GPATCH2: variants seen among roughly 807,000 people sequenced by gnomAD.
GPATCH2 encodes the protein G patch domain-containing protein 2.
A neutral mutation model predicts 58.0 loss-of-function variants in GPATCH2; 51 were observed. The observed-to-expected ratio is 0.88, with a 90% confidence interval of 0.70 to 1.11. GPATCH2 has a LOEUF of 1.11. Ranked by LOEUF, GPATCH2 falls within the 50% of genes most tolerant of loss-of-function variation. The pLI is 0.00. For missense variants in GPATCH2, 625 were observed against 652.2 expected (o/e 0.96, Z 0.45); for synonymous variants, 222 against 218.5 (o/e 1.02, Z -0.14).
chr1:217,487,466 C>T (rs1661508839), intron 8 of GPATCH2, among the ~76,000 whole-genome samples: 2 of 148,658 alleles, frequency 1.3e-5, no homozygotes, highest in South Asian at 4.3e-4. Context: ...ACTCTTGTTG[C>T]CCAGGCTGGA....
At chr1:217,455,358 CT>C (rs1381709377) in intron 8 of GPATCH2, among the ~76,000 whole-genome samples, 3 of 152,174 alleles carry the variant, frequency 2.0e-5, no homozygotes, top group African/African-American at 7.2e-5. Flanking sequence ...TCAGCTGCCC[CT>C]GGCTCCTATC....
chr1:217,446,447 T>C (rs1314955316), intron 9 of GPATCH2, among the ~76,000 whole-genome samples: 3 of 152,132 alleles, frequency 2.0e-5, no homozygotes, highest in African/African-American at 7.2e-5. Flanking sequence ...CAAAACCATT[T>C]CTTACTTGAA....
chr1:217,494,182 G>C (rs750051191), intron 7 of GPATCH2, among the ~76,000 whole-genome samples: 2 of 152,010 alleles, frequency 1.3e-5, no homozygotes, highest in Non-Finnish European at 2.9e-5. Context: ...GTTTTGATGG[G>C]CTTTGTACAT....
chr1:217,498,164 AAAACTC>A, intron 7 of GPATCH2, 186 bp downstream of exon 7: 1 of 678,842 alleles, frequency 1.5e-6, no homozygotes, highest in Non-Finnish European at 2.7e-6. Context: ...TAAAGGAAAG[AAAACTC>A]TCATGCTGAT....
At chr1:217,542,519 G>T (rs138535559) in intron 5 of GPATCH2, among the ~76,000 whole-genome samples, 1,741 of 152,280 alleles carry the variant, frequency 0.011, 18 homozygotes, top group Non-Finnish European at 0.018. Flanking sequence ...AGTTTCAAGC[G>T]CTGGGAGCCC....
chr1:217,609,495 G>A (rs1668526748), intron 5 of GPATCH2: 1 of 983,402 alleles, frequency 1.0e-6, no homozygotes, highest in Admixed American at 6.2e-5. Flanking sequence ...TTAAAACGAG[G>A]ATGATTTTTG....
At chr1:217,532,313 C>T (rs1220895897) in intron 5 of GPATCH2, among the ~76,000 whole-genome samples, 1 of 152,146 alleles carries the variant, frequency 6.6e-6, no homozygotes, top group African/African-American at 2.4e-5. Context: ...CTGCAAGATT[C>T]TAATTATTAT....
intron 8 of GPATCH2, among the ~76,000 whole-genome samples, chr1:217,472,296 CTTT>C (rs11326840): frequency 8.9e-5 from 8 of 89,994 alleles, no homozygotes; most frequent in South Asian, 7.4e-4. Flanking sequence ...TTTCAACAGA[CTTT>C]TTTTTTTTTT....
At chr1:217,488,909 G>T (rs1324341566) in intron 8 of GPATCH2, among the ~76,000 whole-genome samples, 2 of 151,572 alleles carry the variant, frequency 1.3e-5, no homozygotes, top group Admixed American at 6.6e-5. Flanking sequence ...GCCCATGGTG[G>T]TCTCAAACTC....
chr1:217,460,435 T>C (rs1015894512), intron 8 of GPATCH2, among the ~76,000 whole-genome samples: 2 of 152,216 alleles, frequency 1.3e-5, no homozygotes, highest in Non-Finnish European at 1.5e-5. Context: ...TTCTAGGGGT[T>C]CAAGTCTATT....
intron 6 of GPATCH2, among the ~76,000 whole-genome samples, chr1:217,512,855 A>G (rs549281040): frequency 5.1e-4 from 77 of 152,330 alleles, no homozygotes; most frequent in African/African-American, 1.7e-3. Context: ...CAATGAACAT[A>G]TCAGCTGAGA....
intron 5 of GPATCH2, among the ~76,000 whole-genome samples, chr1:217,593,436 G>A (rs1667680626): frequency 6.6e-6 from 1 of 151,948 alleles, no homozygotes; most frequent in African/African-American, 2.4e-5. Context: ...AAAGGAGAGT[G>A]CAACTTTCAG....
chr1:217,592,322 T>C (rs1163173385), intron 5 of GPATCH2, among the ~76,000 whole-genome samples: 1 of 152,022 alleles, frequency 6.6e-6, no homozygotes, highest in African/African-American at 2.4e-5. Flanking sequence ...AGTATAGGCT[T>C]AACACCAAGC....
chr1:217,502,098 T>C (rs1373628745), intron 6 of GPATCH2, among the ~76,000 whole-genome samples: 1 of 152,108 alleles, frequency 6.6e-6, no homozygotes, highest in East Asian at 1.9e-4. Context: ...CCTCTACCAA[T>C]ACCACACAGT....
At chr1:217,477,530 C>A (rs1661019652) in intron 8 of GPATCH2, among the ~76,000 whole-genome samples, 1 of 152,106 alleles carries the variant, frequency 6.6e-6, no homozygotes, top group African/African-American at 2.4e-5. Context: ...GCAGCATCCA[C>A]CACAAGCTGA....
chr1:217,598,453 A>AT lies in GPATCH2; in HGVS notation c.1098+11867dup, dbSNP rs941564794. Among the ~76,000 whole-genome samples, 481 of 146,974 alleles carry AT rather than the reference A, an allele frequency of 3.3e-3. 4 individuals are homozygous for AT. The highest frequency in any genetic ancestry group is 0.011 in the African/African-American group (442 of 40,214). On this transcript the variant is annotated intron_variant, in intron 5 of 9. Coordinates refer to ENST00000366935, the MANE Select transcript of GPATCH2 (RefSeq NM_018040.5). ...TAAATAACCATCAACATTAAAAAAA[A>AT]TTTTTTTTTTTTTGAGACAGAGTCT... is the stretch of plus-strand genomic sequence containing the variant.
intron 5 of GPATCH2, among the ~76,000 whole-genome samples, chr1:217,534,774 GCAC>G (rs1664385381): frequency 6.6e-6 from 1 of 152,096 alleles, no homozygotes; most frequent in African/African-American, 2.4e-5. Context: ...AAAATTTATT[GCAC>G]CATGAGCTGT....
At chr1:217,568,478 GA>G (rs1340463722) in intron 5 of GPATCH2, among the ~76,000 whole-genome samples, 2 of 152,064 alleles carry the variant, frequency 1.3e-5, no homozygotes, top group Admixed American at 6.5e-5. Flanking sequence ...TACTATGGGG[GA>G]AAAAAAGCAA....
chr1:217,450,135 T>C (rs1316373602), intron 8 of GPATCH2, among the ~76,000 whole-genome samples: 1 of 152,138 alleles, frequency 6.6e-6, no homozygotes, highest in Non-Finnish European at 1.5e-5. Flanking sequence ...CTTCAAACTT[T>C]TCAAGCTATA....
Sources: gnomAD v4.1 joint callset for allele counts (sites outside exome capture counted in the v4.1 genomes callset) on GRCh38, gnomAD v4.1.1 for gene constraint, MANE v1.5 for transcripts, NCBI Gene and HGNC (gene_info 2026-07-23, HGNC 2026-07-21) for gene names.